Variants in CDK17 observed in about 807,000 individuals in gnomAD.
CDK17 encodes the protein cyclin-dependent kinase 17.
In CDK17, 24 loss-of-function variants were observed where a neutral mutation model predicts 77.6. That is an observed-to-expected ratio of 0.31 (90% CI 0.22 to 0.44). The LOEUF (loss-of-function observed/expected upper bound fraction) is 0.44, where lower values mean the gene tolerates loss of function less well. Ranked by LOEUF, CDK17 falls within the 20% of genes least tolerant of loss-of-function variation. CDK17 has a pLI of 1.00. For missense variants in CDK17, 429 were observed against 622.5 expected (o/e 0.69, Z 3.31); for synonymous variants, 203 against 210.4 (o/e 0.96, Z 0.30).
chr12:96,292,596 C>A (rs538110508), intron 10 of CDK17, among the ~76,000 whole-genome samples: 1 of 152,054 alleles, frequency 6.6e-6, no homozygotes, highest in African/African-American at 2.4e-5. Context: ...CAGAGCAAGA[C>A]CCTGTCTCAA....
intron 1 of CDK17, among the ~76,000 whole-genome samples, chr12:96,380,675 G>A (rs1314187902): frequency 6.6e-6 from 1 of 152,136 alleles, no homozygotes; most frequent in Admixed American, 6.5e-5. Flanking sequence ...CATTTAACTT[G>A]CAGAAGTTCA....
intron 1 of CDK17, among the ~76,000 whole-genome samples, chr12:96,380,621 C>G (rs1183452603): frequency 6.6e-6 from 1 of 152,104 alleles, no homozygotes; most frequent in Non-Finnish European, 1.5e-5. Flanking sequence ...GTAAAGCAAC[C>G]CTTTGAGAGT....
rs371925961 is a variant in CDK17, at chr12:96,346,552, C to T, written c.-29-11687G>A. Among the ~76,000 whole-genome samples the T allele has an allele frequency of 7.9e-5, 12 of 151,828 alleles. 1 individual carries two copies. In the South Asian group the frequency reaches 1.7e-3, roughly 21 times the overall value. On this transcript the variant is annotated intron_variant, in intron 1 of 16. Transcript: ENST00000261211. ...CTGAGGCAGGAAAACTGCTTGAATC[C>T]GAGAAGCGCAGCTTGCAGTGAGCCA...
chr12:96,390,831 G>C (rs906113700), intron 1 of CDK17, among the ~76,000 whole-genome samples: 4 of 151,634 alleles, frequency 2.6e-5, no homozygotes, highest in African/African-American at 9.7e-5. Context: ...GGCTGGGTGT[G>C]GCGGCTCAAA....
chr12:96,368,404 A>G (rs1953623680), intron 1 of CDK17, among the ~76,000 whole-genome samples: 1 of 152,160 alleles, frequency 6.6e-6, no homozygotes, highest in African/African-American at 2.4e-5. Flanking sequence ...CTTGATTTAA[A>G]TTGTGTGAAC....
intron 1 of CDK17, among the ~76,000 whole-genome samples, chr12:96,340,827 T>C (rs535815301): frequency 1.1e-4 from 17 of 152,310 alleles, no homozygotes; most frequent in African/African-American, 4.1e-4. Flanking sequence ...ATTATGAAGA[T>C]CTTTACACTA....
At chr12:96,300,851 G>C (rs1352374062) in intron 5 of CDK17, among the ~76,000 whole-genome samples, 1 of 151,916 alleles carries the variant, frequency 6.6e-6, no homozygotes, top group Non-Finnish European at 1.5e-5. Context: ...ACATTCAAAG[G>C]TTCAAAAATA....
At chr12:96,375,360 C>A (rs1348837400) in intron 1 of CDK17, among the ~76,000 whole-genome samples, 1 of 152,176 alleles carries the variant, frequency 6.6e-6, no homozygotes, top group East Asian at 1.9e-4. Flanking sequence ...CACCCCTTTA[C>A]CCCACCCTCA....
intron 3 of CDK17, among the ~76,000 whole-genome samples, chr12:96,315,677 T>C (rs1405086375): frequency 6.6e-6 from 1 of 152,134 alleles, no homozygotes; most frequent in East Asian, 1.9e-4. Context: ...CACAGCTAAA[T>C]GTGCAAGAAT....
At chr12:96,349,765 G>C (rs1338623717) in intron 1 of CDK17, among the ~76,000 whole-genome samples, 3 of 152,054 alleles carry the variant, frequency 2.0e-5, no homozygotes, top group African/African-American at 7.2e-5. Context: ...GGAAGTTCTA[G>C]TCAGAACAAT....
chr12:96,391,072 G>A (rs1441485237), intron 1 of CDK17, among the ~76,000 whole-genome samples: 2 of 144,232 alleles, frequency 1.4e-5, no homozygotes, highest in Non-Finnish European at 3.0e-5. Flanking sequence ...AAACGACAGA[G>A]GGAGACTCCA....
At chr12:96,335,479 G>A (rs1315428235) in intron 1 of CDK17, among the ~76,000 whole-genome samples, 1 of 152,178 alleles carries the variant, frequency 6.6e-6, no homozygotes, top group Non-Finnish European at 1.5e-5. Flanking sequence ...CTGAATGCCT[G>A]CCACACAGCA....
chr12:96,347,858 T>C (rs1023554060), intron 1 of CDK17, among the ~76,000 whole-genome samples: 2 of 151,894 alleles, frequency 1.3e-5, no homozygotes, highest in Admixed American at 1.3e-4. Context: ...TCTTTTCCAA[T>C]CAAAATGGAA....
chr12:96,297,140 G>A (rs1378432643), intron 9 of CDK17, 130 bp downstream of exon 9: 2 of 558,492 alleles, frequency 3.6e-6, no homozygotes, highest in East Asian at 2.9e-5. Context: ...ACGTTCAGAG[G>A]ACAATAACCT....
chr12:96,381,091 T>C (rs1430395921), intron 1 of CDK17, among the ~76,000 whole-genome samples: 1 of 152,138 alleles, frequency 6.6e-6, no homozygotes, highest in Non-Finnish European at 1.5e-5. Flanking sequence ...AGTTCATCTT[T>C]GGTAATAACA....
At chr12:96,317,345 G>C (rs1384555420) in intron 3 of CDK17, among the ~76,000 whole-genome samples, 1 of 116,618 alleles carries the variant, frequency 8.6e-6, no homozygotes, top group Admixed American at 9.7e-5. Context: ...AAGTGATGCG[G>C]AGAATGGAAC....
intron 10 of CDK17, among the ~76,000 whole-genome samples, chr12:96,290,833 T>C (rs779670904): frequency 4.6e-5 from 7 of 152,186 alleles, no homozygotes; most frequent in Non-Finnish European, 8.8e-5. Context: ...CGAACTATGG[T>C]GTTTGTGTAC....
intron 1 of CDK17, among the ~76,000 whole-genome samples, chr12:96,342,739 C>G (rs944840165): frequency 1.3e-5 from 2 of 152,036 alleles, no homozygotes; most frequent in Non-Finnish European, 2.9e-5. Flanking sequence ...CCAAGGCAGG[C>G]GGATCACCTG....
chr12:96,316,704 C>A (rs1175159802), intron 3 of CDK17, among the ~76,000 whole-genome samples: 2 of 126,092 alleles, frequency 1.6e-5, no homozygotes, highest in African/African-American at 3.0e-5. Flanking sequence ...CACACTGACA[C>A]CTCACACGGC....
Sources: gnomAD v4.1 joint callset for allele counts (sites outside exome capture counted in the v4.1 genomes callset) on GRCh38, gnomAD v4.1.1 for gene constraint, MANE v1.5 for transcripts, NCBI Gene and HGNC (gene_info 2026-07-23, HGNC 2026-07-21) for gene names.